COL8A1: variants seen among roughly 807,000 people sequenced by gnomAD.
COL8A1 encodes the protein collagen alpha-1(VIII) chain.
Under a neutral mutation model 42.7 loss-of-function variants are expected in COL8A1, and 21 were observed. The ratio of observed to expected loss-of-function variants is 0.49; its 90% confidence interval spans 0.35 to 0.71. The LOEUF (loss-of-function observed/expected upper bound fraction) is 0.71, where lower values mean the gene tolerates loss of function less well. Among genes scored for constraint, COL8A1 ranks in the 30% least tolerant of loss-of-function variants. The pLI, the probability that COL8A1 is intolerant of heterozygous loss-of-function variation, is 0.01. For synonymous variants in COL8A1, 367 were observed against 369.1 expected (o/e 0.99, Z 0.06); for missense variants, 788 against 962.4 (o/e 0.82, Z 2.40).
At chr3:99,720,076 A>G (rs1462834566) in intron 1 of COL8A1, among the ~76,000 whole-genome samples, 1 of 152,146 alleles carries the variant, frequency 6.6e-6, no homozygotes, top group African/African-American at 2.4e-5. Flanking sequence ...CTCTAAGACC[A>G]AAACTATCCT....
chr3:99,786,978 C>T (rs753228049), intron 2 of COL8A1, among the ~76,000 whole-genome samples: 31 of 152,224 alleles, frequency 2.0e-4, no homozygotes, highest in Non-Finnish European at 4.1e-4. Flanking sequence ...GCACAGAGGA[C>T]CAGCCCAGGA....
At chr3:99,645,383 A>G (rs1937622983) in intron 1 of COL8A1, among the ~76,000 whole-genome samples, 1 of 152,086 alleles carries the variant, frequency 6.6e-6, no homozygotes, top group Non-Finnish European at 1.5e-5. Flanking sequence ...AAGATTGTTG[A>G]GGTTGGAAGA....
intron 2 of COL8A1, among the ~76,000 whole-genome samples, chr3:99,769,216 T>C (rs556280495): frequency 6.6e-6 from 1 of 152,350 alleles, no homozygotes; most frequent in African/African-American, 2.4e-5. Context: ...ATGATGTATG[T>C]CTGGCACCAA....
In COL8A1 at chr3:99,794,492, A is replaced by C; in HGVS notation, c.591A>C (p.Gly197=). The C allele has an allele frequency of 6.2e-7, 1 of 1,613,980 alleles. No homozygotes were observed. Among genetic ancestry groups the C allele is most frequent in the East Asian group, 2.2e-5 (1 of 44,854 alleles). ...IGPMGIPGPQ[G]PPGPHGLPGI... ...CTATGGGGATCCCAGGACCACAAGGACCTCCAGGGCCTCATGGACTTCCTG... is the reference window on the plus strand; with the variant it reads ...CTATGGGGATCCCAGGACCACAAGGCCCTCCAGGGCCTCATGGACTTCCTG... Residue 197 remains glycine (G), a synonymous_variant, in exon 4 of 4, where the codon GGA becomes GGC. Transcript: ENST00000652472. This position sits in a 1 kb window ranked among gnomAD's most constrained non-coding sequence, Gnocchi z 4.3.
chr3:99,709,912 CA>C (rs1939788119), intron 1 of COL8A1, among the ~76,000 whole-genome samples: 1 of 152,106 alleles, frequency 6.6e-6, no homozygotes, highest in African/African-American at 2.4e-5. Context: ...TTTTAAGAGC[CA>C]ACTCCCTTCT....
chr3:99,671,070 A>G (rs559179290), intron 1 of COL8A1, among the ~76,000 whole-genome samples: 176 of 152,064 alleles, frequency 1.2e-3, no homozygotes, highest in African/African-American at 4.0e-3. Context: ...ATAAATCTAC[A>G]ACTGAATCAA....
At chr3:99,684,868 G>A (rs575743234) in intron 1 of COL8A1, among the ~76,000 whole-genome samples, 1 of 152,246 alleles carries the variant, frequency 6.6e-6, no homozygotes, top group Admixed American at 6.5e-5. Context: ...AATATTTTTG[G>A]ACTGGATTAG....
intron 1 of COL8A1, among the ~76,000 whole-genome samples, chr3:99,733,615 G>C (rs980181600): frequency 2.0e-5 from 3 of 152,042 alleles, no homozygotes; most frequent in African/African-American, 4.8e-5. Flanking sequence ...ACATACGTGT[G>C]TATGTGTCTT....
intron 2 of COL8A1, among the ~76,000 whole-genome samples, chr3:99,774,804 T>C (rs1941661150): frequency 6.6e-6 from 1 of 152,208 alleles, no homozygotes; most frequent in Non-Finnish European, 1.5e-5. Context: ...CCAGCACTTG[T>C]TGTGTCTCAG....
At chr3:99,653,738 A>G (rs1042585265) in intron 1 of COL8A1, among the ~76,000 whole-genome samples, 1 of 150,534 alleles carries the variant, frequency 6.6e-6, no homozygotes, top group Admixed American at 6.7e-5. Flanking sequence ...CCAGCATCCT[A>G]GATGCATCCT....
At chr3:99,715,648 AC>A (rs2107362373) in intron 1 of COL8A1, among the ~76,000 whole-genome samples, 1 of 152,206 alleles carries the variant, frequency 6.6e-6, no homozygotes, top group South Asian at 2.1e-4. Context: ...TTATCTCAGA[AC>A]AAGCAAAAAT....
intron 1 of COL8A1, among the ~76,000 whole-genome samples, chr3:99,721,803 G>A (rs1243698468): frequency 1.3e-5 from 2 of 152,006 alleles, no homozygotes; most frequent in South Asian, 2.1e-4. Flanking sequence ...AGGAAAGTCA[G>A]GCTGATATGT....
At chr3:99,742,124 A>G (rs1234374924) in intron 1 of COL8A1, among the ~76,000 whole-genome samples, 1 of 152,222 alleles carries the variant, frequency 6.6e-6, no homozygotes, top group Non-Finnish European at 1.5e-5. Context: ...ATTTAGAACA[A>G]TAATTTTTTG....
At chr3:99,684,355 C>T (rs944964420) in intron 1 of COL8A1, among the ~76,000 whole-genome samples, 6 of 152,148 alleles carry the variant, frequency 3.9e-5, no homozygotes, top group Non-Finnish European at 7.3e-5. Context: ...TTTCCTAAGG[C>T]TATCTGTCTA....
chr3:99,794,306 T>C lies in COL8A1; in HGVS notation c.405T>C (p.Pro135=). ...EPGPRGPPGP[P]GLPGHGIPGI... ...GCCCAAGAGGACCACCTGGGCCCCC[T>C]GGTTTGCCAGGTCATGGGATACCTG... Residue 135 remains proline (P), a synonymous_variant, in exon 4 of 4, where the codon CCT becomes CCC. Coordinates refer to ENST00000652472, the MANE Select transcript of COL8A1 (RefSeq NM_020351.4). This position sits in a 1 kb window ranked among gnomAD's most constrained non-coding sequence, Gnocchi z 4.3. 1.9e-6 allele frequency: 3 copies of C among 1,613,494 alleles called. No individual in the cohort carries two copies. The highest frequency in any genetic ancestry group is 2.5e-6 in the Non-Finnish European group (3 of 1,179,762).
rs539676289 is a variant in COL8A1 at position 99,639,522 on chromosome 3, T to C, written c.-129+858T>C. 2.6e-5 allele frequency among the ~76,000 whole-genome samples: 4 copies of C among 152,290 alleles called. No homozygotes were observed. The South Asian group carries it at 6.2e-4, about 24-fold the overall frequency. The stretch of plus-strand genomic sequence containing the variant: ...TTTTAATCCTTCTTTCCACCTTTTT[T>C]CCCCCGCATTTAGTAAATCACAACC... On this transcript the variant is annotated intron_variant, in intron 1 of 3. Transcript: ENST00000652472.
chr3:99,655,482 G>A (rs778589182), intron 1 of COL8A1, among the ~76,000 whole-genome samples: 3 of 152,214 alleles, frequency 2.0e-5, no homozygotes, highest in Non-Finnish European at 2.9e-5. Context: ...GAAATACTGT[G>A]AGGTCCTGAG....
Position 99,790,951 on chromosome 3 carries a change from T to C in COL8A1, c.269T>C (p.Met90Thr), listed in dbSNP as rs1171099528. Residue 90 changes from methionine (M) to threonine (T), a missense_variant, in exon 3 of 4, where the codon ATG becomes ACG. By Grantham distance (81) the Met-to-Thr change is moderately conservative. This residue lies in a region of COL8A1 where 421 missense variants were observed against 553.1 expected (regional missense o/e 0.76). Coordinates refer to ENST00000652472, the MANE Select transcript of COL8A1 (RefSeq NM_020351.4). ...GAGTATCCACACCTACCCCAATATA[T>C]GAAGGAAATTCAACCGGCGCCAAGA... The part of the protein sequence containing the change: ...GKEYPHLPQY[M>T]KEIQPAPRMG... 6.2e-7 allele frequency: 1 copy of C among 1,613,792 alleles called. No homozygotes were observed. The highest frequency in any genetic ancestry group is 1.1e-5 in the South Asian group (1 of 91,064).
intron 1 of COL8A1, among the ~76,000 whole-genome samples, chr3:99,642,845 T>C (rs1242913530): frequency 6.6e-6 from 1 of 152,208 alleles, no homozygotes; most frequent in African/African-American, 2.4e-5. Flanking sequence ...AGCTTCACAT[T>C]TTTCTAAACT....
Sources: allele counts gnomAD v4.1 joint callset (sites outside exome capture counted in the v4.1 genomes callset), GRCh38; gene constraint gnomAD v4.1.1; regional missense constraint gnomAD v4.1.1; non-coding constraint Gnocchi (gnomAD v3.1); transcripts MANE v1.5; gene names NCBI Gene and HGNC (gene_info 2026-07-23, HGNC 2026-07-21).